GPC5: variants seen among roughly 807,000 people sequenced by gnomAD.
The protein encoded by GPC5 is glypican-5.
A neutral mutation model predicts 53.9 loss-of-function variants in GPC5; 47 were observed. The ratio of observed to expected loss-of-function variants is 0.87; its 90% confidence interval spans 0.69 to 1.11. GPC5 has a LOEUF of 1.11. Ranked by LOEUF, GPC5 falls within the 50% of genes most tolerant of loss-of-function variation. The pLI is 0.00. For synonymous variants in GPC5, 286 were observed against 263.3 expected (o/e 1.09, Z -0.84); for missense variants, 748 against 713.1 (o/e 1.05, Z -0.56).
chr13:92,209,542 C>G (rs1307749154), intron 7 of GPC5, among the ~76,000 whole-genome samples: 1 of 152,138 alleles, frequency 6.6e-6, no homozygotes, highest in African/African-American at 2.4e-5. Context: ...CTAACATCCA[C>G]AGAAGGCCTA....
chr13:91,729,757 T>C (rs2036654279), intron 4 of GPC5, among the ~76,000 whole-genome samples: 1 of 152,206 alleles, frequency 6.6e-6, no homozygotes, highest in Admixed American at 6.5e-5. Flanking sequence ...CAGTATATTT[T>C]GTCTAGGGTG....
chr13:92,203,644 AT>A (rs1184470350), intron 7 of GPC5, among the ~76,000 whole-genome samples: 1,243 of 112,302 alleles, frequency 0.011, 25 homozygotes, highest in African/African-American at 0.03. Flanking sequence ...TAATAAAAAA[AT>A]ATATATATAT....
chr13:91,609,995 T>A (rs1331811673), intron 2 of GPC5, among the ~76,000 whole-genome samples: 1 of 152,216 alleles, frequency 6.6e-6, no homozygotes, highest in Non-Finnish European at 1.5e-5. Flanking sequence ...ATCAATTCAT[T>A]TGCTCAGTTA....
At chr13:92,825,440 A>T (rs1277918757) in intron 7 of GPC5, among the ~76,000 whole-genome samples, 1 of 152,150 alleles carries the variant, frequency 6.6e-6, no homozygotes, top group Non-Finnish European at 1.5e-5. Flanking sequence ...TGCAAATGTT[A>T]TTAATTCAAT....
chr13:91,884,510 A>G (rs1392503631), intron 5 of GPC5, among the ~76,000 whole-genome samples: 3 of 152,228 alleles, frequency 2.0e-5, no homozygotes, highest in Admixed American at 6.5e-5. Flanking sequence ...AAAATCAAAT[A>G]CTGCATGTTC....
intron 2 of GPC5, among the ~76,000 whole-genome samples, chr13:91,566,288 G>A (rs933362040): frequency 1.3e-4 from 20 of 152,032 alleles, no homozygotes; most frequent in East Asian, 9.6e-4. Flanking sequence ...ATTTCTGGCC[G>A]GGCGCGGTGG....
chr13:92,762,167 T>C (rs1490376225), intron 7 of GPC5, among the ~76,000 whole-genome samples: 2 of 152,004 alleles, frequency 1.3e-5, no homozygotes, highest in Admixed American at 6.6e-5. Context: ...ATCATATATA[T>C]CTCTAGTATG....
chr13:91,961,594 C>T (rs1043699595), intron 6 of GPC5, among the ~76,000 whole-genome samples: 1 of 151,934 alleles, frequency 6.6e-6, no homozygotes, highest in African/African-American at 2.4e-5. Flanking sequence ...TAGGAATAAA[C>T]AAAGGATTGT....
chr13:91,810,382 T>C (rs149668545), intron 5 of GPC5, among the ~76,000 whole-genome samples: 60 of 152,158 alleles, frequency 3.9e-4, no homozygotes, highest in African/African-American at 1.4e-3. Context: ...TATTAAGTCA[T>C]AATACCTTAT....
At position 92,674,557 on chromosome 13, in the gene GPC5, T is replaced by C. The variant is rs531947961; in HGVS notation, c.1562-191725T>C. 2.1e-4 allele frequency among the ~76,000 whole-genome samples: 4 copies of C among 18,822 alleles called. No individual in the cohort carries two copies. The Admixed American group carries it at 2.5e-3, about 12-fold the overall frequency. 12.3% of individuals were successfully genotyped at this position (18,822 alleles called of 152,430 possible). On this transcript the variant is annotated intron_variant, in intron 7 of 7. Coordinates refer to ENST00000377067, the MANE Select transcript of GPC5 (RefSeq NM_004466.6). ...CTTGCTTCATGAAGCAGGAGCTTCA[T>C]GAAGCTCTTCTTGAAGCAGGAGCTT... is the stretch of plus-strand genomic sequence containing the variant.
intron 5 of GPC5, among the ~76,000 whole-genome samples, chr13:91,829,841 G>A (rs770308139): frequency 9.9e-5 from 15 of 152,072 alleles, no homozygotes; most frequent in Non-Finnish European, 1.9e-4. Context: ...GGGAGTGTAC[G>A]AATAGGGTGT....
At chr13:91,438,323 G>A (rs962687266) in intron 1 of GPC5, among the ~76,000 whole-genome samples, 4 of 152,044 alleles carry the variant, frequency 2.6e-5, no homozygotes, top group Non-Finnish European at 5.9e-5. Context: ...TGATTGTGAC[G>A]TACAAATGGG....
At chr13:91,563,757 C>G (rs2031396468) in intron 2 of GPC5, among the ~76,000 whole-genome samples, 1 of 152,048 alleles carries the variant, frequency 6.6e-6, no homozygotes, top group African/African-American at 2.4e-5. Context: ...CCTCCCTTCC[C>G]TCCTCAGGCT....
intron 7 of GPC5, among the ~76,000 whole-genome samples, chr13:92,155,456 T>C (rs1276607326): frequency 6.6e-6 from 1 of 152,182 alleles, no homozygotes; most frequent in African/African-American, 2.4e-5. Flanking sequence ...TCCAGTTGCA[T>C]AGTGTACTTT....
chr13:92,679,432 C>A (rs1887048249), intron 7 of GPC5, among the ~76,000 whole-genome samples: 1 of 152,302 alleles, frequency 6.6e-6, no homozygotes, highest in African/African-American at 2.4e-5. Context: ...AGGACTATAT[C>A]ACTTAATTTC....
chr13:92,279,690 C>T (rs1367429173), intron 7 of GPC5, among the ~76,000 whole-genome samples: 1 of 151,754 alleles, frequency 6.6e-6, no homozygotes, highest in East Asian at 1.9e-4. Context: ...CATGAGTTTT[C>T]CTTGGTTCTA....
chr13:91,512,108 A>G (rs1885259153), intron 2 of GPC5, among the ~76,000 whole-genome samples: 1 of 152,158 alleles, frequency 6.6e-6, no homozygotes, highest in Non-Finnish European at 1.5e-5. Flanking sequence ...TTGCCAACAG[A>G]TCAGGATCTT....
At chr13:91,527,408 C>T (rs185704714) in intron 2 of GPC5, among the ~76,000 whole-genome samples, 5 of 152,360 alleles carry the variant, frequency 3.3e-5, no homozygotes, top group Admixed American at 2.0e-4. Flanking sequence ...CCGTGTCTCA[C>T]GTCCAGGGCA....
chr13:91,881,778 A>T (rs1481489882), intron 5 of GPC5, among the ~76,000 whole-genome samples: 1 of 152,170 alleles, frequency 6.6e-6, no homozygotes, highest in Non-Finnish European at 1.5e-5. Context: ...GGTAGCCCCT[A>T]TGACCTTCAT....
Sources: gnomAD v4.1 joint callset for allele counts (sites outside exome capture counted in the v4.1 genomes callset) on GRCh38, gnomAD v4.1.1 for gene constraint, MANE v1.5 for transcripts, NCBI Gene and HGNC (gene_info 2026-07-23, HGNC 2026-07-21) for gene names.